The following NFIA variants were observed in gnomAD, a reference collection of about 807,000 sequenced individuals.
NFIA encodes the protein nuclear factor 1 A-type.
NFIA carries 8 observed loss-of-function variants against 62.8 expected under a neutral mutation model. The ratio of observed to expected loss-of-function variants is 0.13; its 90% CI spans 0.07 to 0.23. The LOEUF is 0.23. Ranked by LOEUF, NFIA falls within the 10% of genes least tolerant of loss-of-function variation. The pLI is 1.00. For missense variants in NFIA, 410 were observed against 642.1 expected (o/e 0.64, Z 3.91); for synonymous variants, 235 against 238.1 (o/e 0.99, Z 0.12).
chr1:61,405,403 T>A (rs1465405886), intron 8 of NFIA, among the ~76,000 whole-genome samples: 2 of 152,180 alleles, frequency 1.3e-5, no homozygotes, highest in Non-Finnish European at 2.9e-5. Flanking sequence ...TCAGACGAGG[T>A]AGTCTTTGAG....
chr1:61,393,703 A>G (rs1173568957), intron 7 of NFIA, among the ~76,000 whole-genome samples: 1 of 152,104 alleles, frequency 6.6e-6, no homozygotes, highest in African/African-American at 2.4e-5. Context: ...CCAAAGAAAC[A>G]TTAGAGCTCT....
At chr1:61,446,855 C>T (rs142204535) in intron 10 of NFIA, among the ~76,000 whole-genome samples, 8 of 152,260 alleles carry the variant, frequency 5.3e-5, no homozygotes, top group African/African-American at 1.4e-4. Flanking sequence ...AGAGCAAGAG[C>T]GAGGAGGCAC....
chr1:61,258,530 C>A (rs1014111391), intron 2 of NFIA, among the ~76,000 whole-genome samples: 2 of 152,154 alleles, frequency 1.3e-5, no homozygotes, highest in African/African-American at 4.8e-5. Flanking sequence ...GGTTGTTTTA[C>A]TTCCTCATAT....
At chr1:61,411,012 A>C (rs574961896) in intron 9 of NFIA, among the ~76,000 whole-genome samples, 63 of 152,342 alleles carry the variant, frequency 4.1e-4, no homozygotes, top group African/African-American at 1.5e-3. Context: ...TATTGATGGA[A>C]TAACACTAAC....
chr1:61,447,662 A>G (rs1054657961), intron 10 of NFIA, among the ~76,000 whole-genome samples: 14 of 152,182 alleles, frequency 9.2e-5, no homozygotes, highest in African/African-American at 3.4e-4. Context: ...GATCTCAAGC[A>G]GCTTCCGTGG....
Position 61,462,200 on chromosome 1 carries a change from C to G in NFIA, c.*6880C>G, listed in dbSNP as rs554972300. 5.9e-5 allele frequency: 9 copies of G among 151,768 alleles called. No homozygotes were observed. The highest frequency in any genetic ancestry group is 1.3e-4 in the Non-Finnish European group (9 of 67,976). 9.4% of individuals were successfully genotyped at this position (151,768 alleles called of 1,614,324 possible). On this transcript the variant is annotated 3_prime_UTR_variant, in exon 11 of 11. Transcript: ENST00000403491. ...TCTGCACTGCGAAGGCATTTGGTAG[C>G]CTCGCCACTGAGATACTAACTAGAC... is the stretch of plus-strand genomic sequence containing the variant.
At chr1:61,181,484 T>G (rs12086591) in intron 2 of NFIA, among the ~76,000 whole-genome samples, 23,542 of 152,232 alleles carry the variant, frequency 0.15, 2,888 homozygotes, top group African/African-American at 0.32. Context: ...TTTTTGTTCA[T>G]TGTGAAAGTC....
intron 2 of NFIA, among the ~76,000 whole-genome samples, chr1:61,266,291 A>G (rs1375000071): frequency 6.6e-6 from 1 of 151,872 alleles, no homozygotes; most frequent in African/African-American, 2.4e-5. Flanking sequence ...CACCCCAAAC[A>G]CCTATTGACC....
At chr1:61,449,210 G>A (rs1201240755) in intron 10 of NFIA, among the ~76,000 whole-genome samples, 3 of 152,182 alleles carry the variant, frequency 2.0e-5, no homozygotes, top group African/African-American at 7.2e-5. Flanking sequence ...TGTCCCTCGA[G>A]GGAGAGTGTC....
intron 3 of NFIA, among the ~76,000 whole-genome samples, chr1:61,303,108 G>C (rs569092533): frequency 3.3e-5 from 5 of 152,188 alleles, no homozygotes; most frequent in African/African-American, 1.2e-4. Context: ...TCTGTGCACT[G>C]TGTCTGCTTT....
chr1:61,389,454 A>G (rs1664858806), intron 7 of NFIA, among the ~76,000 whole-genome samples: 1 of 152,198 alleles, frequency 6.6e-6, no homozygotes, highest in African/African-American at 2.4e-5. Context: ...AGCTTTTATC[A>G]GTGGGTAAAT....
At chr1:61,136,836 T>C (rs1241918858) in intron 2 of NFIA, among the ~76,000 whole-genome samples, 1 of 152,172 alleles carries the variant, frequency 6.6e-6, no homozygotes, top group Non-Finnish European at 1.5e-5. Flanking sequence ...ACTTCACCTT[T>C]GTGAAATCCA....
intron 2 of NFIA, among the ~76,000 whole-genome samples, chr1:61,185,743 A>G (rs1324674256): frequency 6.6e-6 from 1 of 151,396 alleles, no homozygotes; most frequent in African/African-American, 2.4e-5. Context: ...GTCTGCTTAG[A>G]ATGCATTTTT....
rs775681014 is a variant in NFIA at position 61,359,293 on chromosome 1, C to T, written c.946+19C>T. The T allele has an allele frequency of 5.6e-6, 9 of 1,611,994 alleles. No homozygotes were observed. Among genetic ancestry groups the T allele is most frequent in the South Asian group, 3.3e-5 (3 of 90,990 alleles). On this transcript the variant is annotated intron_variant, in intron 6 of 10. Coordinates refer to ENST00000403491, the MANE Select transcript of NFIA (RefSeq NM_001134673.4). ...GAGCCAGGTAAGCAGAGTGGCGGCA[C>T]GGGCATGTGGCTAACACTGTGAAAC...
intron 6 of NFIA, among the ~76,000 whole-genome samples, chr1:61,382,389 G>A (rs1471489870): frequency 6.6e-6 from 1 of 152,060 alleles, no homozygotes; most frequent in Non-Finnish European, 1.5e-5. Context: ...AGCTTTTATT[G>A]TATTAACATG....
chr1:61,167,489 G>A (rs926803577), intron 2 of NFIA, among the ~76,000 whole-genome samples: 1 of 152,180 alleles, frequency 6.6e-6, no homozygotes, highest in Admixed American at 6.5e-5. Context: ...TACAAAGGGA[G>A]CCACAGGGTG....
intron 2 of NFIA, among the ~76,000 whole-genome samples, chr1:61,137,027 C>T (rs1339878097): frequency 6.6e-6 from 1 of 152,142 alleles, no homozygotes; most frequent in Non-Finnish European, 1.5e-5. Flanking sequence ...TGGTTTCAAG[C>T]AAACTGTCCT....
intron 2 of NFIA, among the ~76,000 whole-genome samples, chr1:61,105,752 A>T (rs1188406244): frequency 6.6e-6 from 1 of 151,906 alleles, no homozygotes; most frequent in East Asian, 1.9e-4. Context: ...ATGGCAAAGT[A>T]TGGATGGATG....
chr1:61,396,316 G>A (rs1265940518), intron 7 of NFIA, among the ~76,000 whole-genome samples: 1 of 152,098 alleles, frequency 6.6e-6, no homozygotes, highest in Non-Finnish European at 1.5e-5. Flanking sequence ...TGTGATCATG[G>A]CTCACTGCAG....
Sources: gnomAD v4.1 joint callset for allele counts (sites outside exome capture counted in the v4.1 genomes callset) on GRCh38, gnomAD v4.1.1 for gene constraint, MANE v1.5 for transcripts, NCBI Gene and HGNC (gene_info 2026-07-23, HGNC 2026-07-21) for gene names.